PGM5: variants seen among roughly 807,000 people sequenced by gnomAD.
PGM5 encodes the protein phosphoglucomutase 5, also known as phosphoglucomutase-like protein 5.
A neutral mutation model predicts 59.2 loss-of-function variants in PGM5; 23 were observed. The ratio of observed to expected loss-of-function variants is 0.39; its 90% CI spans 0.28 to 0.55. PGM5 has a LOEUF of 0.55. Ranked by LOEUF, PGM5 falls within the 20% of genes least tolerant of loss-of-function variation. The pLI is 0.66. For missense variants in PGM5, 574 were observed against 748.3 expected, an observed-to-expected ratio of 0.77 and a Z score of 2.72; for synonymous variants, 214 against 286.0, an observed-to-expected ratio of 0.75 and a Z score of 2.54.
intron 9 of PGM5, among the ~76,000 whole-genome samples, chr9:68,485,145 T>G (rs1363692935): frequency 6.6e-6 from 1 of 152,208 alleles, no homozygotes; most frequent in Non-Finnish European, 1.5e-5. Flanking sequence ...TCCTCTACCT[T>G]ATATCTTCCT....
rs1213106277 is a variant in PGM5 at position 68,437,585 on chromosome 9, A to G, written c.1044-27508A>G. ...CAAAGGGACACACACACTCACACAC[A>G]CACACACACACACACTCTCACACAT... On this transcript the variant is annotated intron_variant, in intron 6 of 10. Coordinates refer to ENST00000396396, the MANE Select transcript of PGM5 (RefSeq NM_021965.4). The surrounding 1 kb of genome is among the most constrained non-coding windows in gnomAD (Gnocchi z 4.1). Among the ~76,000 whole-genome samples the G allele has an allele frequency of 6.7e-6, 1 of 149,112 alleles. No individual in the cohort carries two copies. The highest frequency in any genetic ancestry group is 2.6e-5 in the African/African-American group (1 of 38,752).
intron 7 of PGM5, among the ~76,000 whole-genome samples, chr9:68,473,035 C>T (rs1824046636): frequency 6.6e-6 from 1 of 152,046 alleles, no homozygotes; most frequent in Admixed American, 6.5e-5. Flanking sequence ...TGCTTTTTCA[C>T]CTGATGTTAA....
intron 2 of PGM5, among the ~76,000 whole-genome samples, chr9:68,378,567 C>T (rs1206625161): frequency 6.6e-6 from 1 of 152,034 alleles, no homozygotes; most frequent in African/African-American, 2.4e-5. Flanking sequence ...CCCCTGTACT[C>T]TTCAGCATAA....
intron 1 of PGM5, among the ~76,000 whole-genome samples, chr9:68,365,534 T>C (rs1288836526): frequency 6.6e-6 from 1 of 152,220 alleles, no homozygotes; most frequent in Non-Finnish European, 1.5e-5. Flanking sequence ...TCTTACATTT[T>C]TAGTAACATC....
intron 7 of PGM5, among the ~76,000 whole-genome samples, chr9:68,474,792 C>T (rs912594468): frequency 6.6e-6 from 1 of 150,872 alleles, no homozygotes; most frequent in Non-Finnish European, 1.5e-5. Context: ...TGTCCTGAGC[C>T]AGGCAGCAAG....
In PGM5 at chr9:68,525,988, G is replaced by A. The variant is rs192166403; in HGVS notation, c.1615-3579G>A. The stretch of plus-strand genomic sequence containing the variant: ...GGAGAATGGCGTGAACCCGGGAGGC[G>A]GAGCTTGCAGTGAGCCAAGATCGCG... On this transcript the variant is annotated intron_variant, in intron 10 of 10. Coordinates refer to ENST00000396396, the MANE Select transcript of PGM5 (RefSeq NM_021965.4). Among the ~76,000 whole-genome samples, 116 of 151,990 alleles carry A rather than the reference G, an allele frequency of 7.6e-4. No individual in the cohort carries two copies. In the Middle Eastern group the frequency reaches 0.021, roughly 27 times the overall value.
intron 6 of PGM5, among the ~76,000 whole-genome samples, chr9:68,423,561 A>G (rs782281201): frequency 6.6e-6 from 1 of 152,082 alleles, no homozygotes; most frequent in Non-Finnish European, 1.5e-5. Context: ...AGCTGACATT[A>G]GGTTCAATCA....
At chr9:68,461,333 A>G (rs1327341825) in intron 6 of PGM5, among the ~76,000 whole-genome samples, 1 of 152,126 alleles carries the variant, frequency 6.6e-6, no homozygotes, top group Non-Finnish European at 1.5e-5. Flanking sequence ...ATTGGCTAGA[A>G]CTCAGTCACA....
intron 7 of PGM5, 133 bp downstream of exon 7, chr9:68,465,341 T>C (rs970963807): frequency 1.1e-5 from 7 of 636,532 alleles, no homozygotes; most frequent in Non-Finnish European, 1.7e-5. Context: ...AGAAACCTAG[T>C]AGAGTATGTG....
intron 6 of PGM5, among the ~76,000 whole-genome samples, chr9:68,398,912 T>A (rs1280607831): frequency 6.6e-6 from 1 of 152,230 alleles, no homozygotes; most frequent in Non-Finnish European, 1.5e-5. Flanking sequence ...GATTGAAGGC[T>A]CATTTCTTAT....
At chr9:68,403,224 T>A (rs1312116756) in intron 6 of PGM5, among the ~76,000 whole-genome samples, 2 of 152,180 alleles carry the variant, frequency 1.3e-5, no homozygotes, top group Non-Finnish European at 2.9e-5. Context: ...GGAGTCTAGG[T>A]TGCATGCTCC....
intron 9 of PGM5, among the ~76,000 whole-genome samples, chr9:68,493,181 T>C (rs1824426996): frequency 6.6e-6 from 1 of 152,212 alleles, no homozygotes; most frequent in South Asian, 2.1e-4. Context: ...GGCTACAACA[T>C]GTCCTACAGT....
chr9:68,497,932 G>C (rs943009028), intron 9 of PGM5: 12 of 152,180 alleles, frequency 7.9e-5, no homozygotes, highest in African/African-American at 2.7e-4. Flanking sequence ...ATAGCGAATG[G>C]AGATGTGCTG....
At chr9:68,461,196 A>G (rs1823854117) in intron 6 of PGM5, among the ~76,000 whole-genome samples, 1 of 152,160 alleles carries the variant, frequency 6.6e-6, no homozygotes, top group Admixed American at 6.5e-5. Flanking sequence ...GCCGCCTTCA[A>G]CACATGGCTT....
At chr9:68,421,392 G>A (rs1332219022) in intron 6 of PGM5, among the ~76,000 whole-genome samples, 2 of 152,064 alleles carry the variant, frequency 1.3e-5, no homozygotes, top group East Asian at 1.9e-4. Flanking sequence ...TATGGGCAAC[G>A]GATTCTCCAT....
chr9:68,414,952 T>C (rs3912907), intron 6 of PGM5, among the ~76,000 whole-genome samples: 47,744 of 143,480 alleles, frequency 0.33, 7,808 homozygotes, highest in Middle Eastern at 0.39. Flanking sequence ...TCATGATCAT[T>C]ATGAAGCATT....
intron 9 of PGM5, among the ~76,000 whole-genome samples, chr9:68,494,331 T>C (rs1049459455): frequency 2.0e-5 from 3 of 152,210 alleles, no homozygotes; most frequent in Admixed American, 6.5e-5. Context: ...TTTATTAGCC[T>C]CACTGTGTTA....
chr9:68,424,877 T>C (rs1823207731), intron 6 of PGM5, among the ~76,000 whole-genome samples: 1 of 152,170 alleles, frequency 6.6e-6, no homozygotes, highest in East Asian at 1.9e-4. Context: ...CCAGACACCA[T>C]GACTTCAAGT....
chr9:68,462,220 C>G (rs116935882), intron 6 of PGM5, among the ~76,000 whole-genome samples: 1 of 152,070 alleles, frequency 6.6e-6, no homozygotes, highest in Non-Finnish European at 1.5e-5. Context: ...TTTATCTCCC[C>G]GACACAATGG....
Sources: allele counts gnomAD v4.1 joint callset (sites outside exome capture counted in the v4.1 genomes callset), GRCh38; gene constraint gnomAD v4.1.1; non-coding constraint Gnocchi (gnomAD v3.1); transcripts MANE v1.5; gene names NCBI Gene and HGNC (gene_info 2026-07-23, HGNC 2026-07-21).